Variants in WDFY3 observed in about 807,000 individuals in gnomAD.
WDFY3 encodes the protein WD repeat and FYVE domain containing 3, also known as WD repeat and FYVE domain-containing protein 3.
Under a neutral mutation model 409.6 loss-of-function variants are expected in WDFY3, and 66 were observed. The observed-to-expected ratio is 0.16, with a 90% confidence interval of 0.13 to 0.20. The LOEUF (loss-of-function observed/expected upper bound fraction) is 0.20, where lower values mean the gene tolerates loss of function less well. Among genes scored for constraint, WDFY3 ranks in the 10% least tolerant of loss-of-function variants. The probability of loss-of-function intolerance (pLI) is 1.00; values close to 1 mark genes in which losing one functional copy is unlikely to be tolerated. For synonymous variants in WDFY3, 1,521 were observed against 1,537.1 expected (o/e 0.99, Z 0.25); for missense variants, 3,031 against 4,298.1 (o/e 0.71, Z 8.24).
chr4:84,736,705 T>G (rs1162195364), intron 41 of WDFY3, among the ~76,000 whole-genome samples: 1 of 152,166 alleles, frequency 6.6e-6, no homozygotes, highest in East Asian at 1.9e-4. Flanking sequence ...CTAGATTATA[T>G]AATGCCACCA....
At chr4:84,935,426 G>C (rs930513262) in intron 1 of WDFY3, among the ~76,000 whole-genome samples, 7 of 152,066 alleles carry the variant, frequency 4.6e-5, no homozygotes, top group Non-Finnish European at 8.8e-5. Context: ...ATCTAATTGT[G>C]GTCTTAGTTC....
intron 3 of WDFY3, among the ~76,000 whole-genome samples, chr4:84,892,417 T>C (rs556255162): frequency 2.0e-5 from 3 of 152,222 alleles, no homozygotes; most frequent in African/African-American, 7.2e-5. Flanking sequence ...TAAAGTATTT[T>C]AAAGGTTTTA....
At chr4:84,760,609 T>C (rs1183674185) in intron 32 of WDFY3, among the ~76,000 whole-genome samples, 1 of 152,232 alleles carries the variant, frequency 6.6e-6, no homozygotes, top group African/African-American at 2.4e-5. Context: ...GTTTGTAGTA[T>C]TCTCTGATGG....
chr4:84,927,695 G>C (rs1579162781), intron 2 of WDFY3, among the ~76,000 whole-genome samples: 1 of 152,118 alleles, frequency 6.6e-6, no homozygotes, highest in Admixed American at 6.5e-5. Context: ...TAAGTGTCTG[G>C]CATTTCCTCT....
chr4:84,892,023 A>ATTTT (rs200646761), intron 3 of WDFY3, among the ~76,000 whole-genome samples: 2 of 135,852 alleles, frequency 1.5e-5, no homozygotes, highest in African/African-American at 5.3e-5. Flanking sequence ...ATGGCCTTCA[A>ATTTT]TTTTTTTTTT....
rs756435222 is a variant in WDFY3, at chr4:84,798,074, C to T, written c.2857G>A (p.Gly953Ser). The part of the protein sequence containing the change: ...FLRLASPLNC[G>S]AWDKKLLKQY... ...TTTAGCAGTTTTTTGTCCCAGGCAC[C>T]ACAATTTAAAGGACTTGCCAAACGT... is the stretch of plus-strand genomic sequence containing the variant. The change falls in exon 18 of 68, where the codon GGT (glycine) becomes AGT (serine). Residue 953 changes from glycine to serine, a missense_variant. Physicochemically the swap from Gly to Ser is moderately conservative, Grantham distance 56 (BLOSUM62 0). Coordinates refer to ENST00000295888, the MANE Select transcript of WDFY3 (RefSeq NM_014991.6). The T allele has an allele frequency of 8.1e-6, 13 of 1,613,260 alleles. No individual in the cohort carries two copies. The highest frequency in any genetic ancestry group is 1.1e-5 in the Non-Finnish European group (13 of 1,179,628).
At chr4:84,927,132 AAAT>A (rs371173255) in intron 2 of WDFY3, among the ~76,000 whole-genome samples, 228 of 152,304 alleles carry the variant, frequency 1.5e-3, no homozygotes, top group African/African-American at 4.9e-3. Context: ...AGTAATTCAC[AAAT>A]AATAATTAAA....
At chr4:84,763,688 CA>C (rs1743113058) in intron 32 of WDFY3, among the ~76,000 whole-genome samples, 1 of 150,234 alleles carries the variant, frequency 6.7e-6, no homozygotes, top group African/African-American at 2.4e-5. Context: ...TTTACATACA[CA>C]AAAATGTGTA....
chr4:84,830,110 A>G (rs867592911), intron 8 of WDFY3, among the ~76,000 whole-genome samples: 5 of 152,150 alleles, frequency 3.3e-5, no homozygotes, highest in Non-Finnish European at 7.4e-5. Flanking sequence ...ACTGACTCAT[A>G]TATTAGGTAC....
intron 21 of WDFY3, among the ~76,000 whole-genome samples, chr4:84,792,896 AGG>A (rs1441744336): frequency 1.3e-5 from 2 of 152,182 alleles, no homozygotes; most frequent in African/African-American, 4.8e-5. Flanking sequence ...AATACATTCT[AGG>A]TACTGTGTTA....
intron 30 of WDFY3, 71 bp downstream of exon 30, chr4:84,772,764 T>C: frequency 8.1e-7 from 1 of 1,232,394 alleles, no homozygotes; most frequent in East Asian, 2.5e-5. Flanking sequence ...TCAGGTCTAA[T>C]TTGGGCCAGA....
intron 51 of WDFY3, 130 bp from the exon 52 acceptor site, chr4:84,709,477 TAA>T (rs1470646321): frequency 1.5e-6 from 1 of 679,830 alleles, no homozygotes; most frequent in African/African-American, 1.8e-5. Context: ...TAGTGGGTCA[TAA>T]AATCAGTTTA....
At chr4:84,880,171 C>G (rs1314030384) in intron 3 of WDFY3, among the ~76,000 whole-genome samples, 20 of 151,998 alleles carry the variant, frequency 1.3e-4, no homozygotes, top group Non-Finnish European at 1.8e-4. Context: ...TGGACATCAG[C>G]CAGGAATGAG....
Position 84,787,640 on chromosome 4 carries a change from T to C in WDFY3, c.3743A>G (p.Tyr1248Cys), listed in dbSNP as rs762353065. Residue 1248 changes from tyrosine to cysteine, a missense_variant, in exon 23 of 68, where the codon TAC becomes TGC. By Grantham distance (194) the Tyr-to-Cys change is radical. This residue lies in a region of WDFY3 where 1,322 missense variants were observed against 1,697.9 expected (regional missense o/e 0.78). Coordinates refer to ENST00000295888, the MANE Select transcript of WDFY3 (RefSeq NM_014991.6). Reference sequence around the variant, plus strand: ...GCGTTGGGCAGGTGGAGTACCAATGTAGGCATAGACCGTGCTCACCACTGG... The same window carrying C: ...GCGTTGGGCAGGTGGAGTACCAATGCAGGCATAGACCGTGCTCACCACTGG... ...NPPVVSTVYA[Y>C]IGTPPAQRQI... 10 of 1,614,060 alleles carry C rather than the reference T, an allele frequency of 6.2e-6. No homozygotes were observed. The highest frequency in any genetic ancestry group is 8.5e-6 in the Non-Finnish European group (10 of 1,180,036).
intron 1 of WDFY3, among the ~76,000 whole-genome samples, chr4:84,941,177 A>G (rs543201483): frequency 6.6e-6 from 1 of 152,092 alleles, no homozygotes; most frequent in African/African-American, 2.4e-5. Flanking sequence ...AAGAAGTAAA[A>G]CTGTCTTTAT....
intron 3 of WDFY3, among the ~76,000 whole-genome samples, chr4:84,881,616 G>A (rs900725735): frequency 2.0e-5 from 3 of 151,534 alleles, no homozygotes; most frequent in Admixed American, 1.3e-4. Flanking sequence ...GCCAGGTGCA[G>A]TGGCTCACGC....
Position 84,938,601 on chromosome 4 carries a change from T to C in WDFY3, c.-225-6238A>G, listed in dbSNP as rs1285625407. ...ACTGGTTCCAGAGAAAGAACCAAGC[T>C]CTTTATAAATGAGGAAAGTCTAAAA... On this transcript the variant is annotated intron_variant, in intron 1 of 67. Coordinates refer to ENST00000295888, the MANE Select transcript of WDFY3 (RefSeq NM_014991.6). 3.3e-5 allele frequency among the ~76,000 whole-genome samples: 5 copies of C among 152,286 alleles called. No homozygotes were observed. In the East Asian group the frequency reaches 9.6e-4, roughly 29 times the overall value.
intron 3 of WDFY3, among the ~76,000 whole-genome samples, chr4:84,861,125 A>G (rs1760566587): frequency 6.6e-6 from 1 of 152,114 alleles, no homozygotes; most frequent in Admixed American, 6.6e-5. Flanking sequence ...GTGGGAAGAT[A>G]ACTTGAGCCT....
At chr4:84,872,800 G>GC (rs1467057047) in intron 3 of WDFY3, among the ~76,000 whole-genome samples, 1 of 152,114 alleles carries the variant, frequency 6.6e-6, no homozygotes, top group Non-Finnish European at 1.5e-5. Context: ...AATATACCAT[G>GC]CTAACTCTAA....
Sources: allele counts gnomAD v4.1 joint callset (sites outside exome capture counted in the v4.1 genomes callset), GRCh38; gene constraint gnomAD v4.1.1; regional missense constraint gnomAD v4.1.1; transcripts MANE v1.5; gene names NCBI Gene and HGNC (gene_info 2026-07-23, HGNC 2026-07-21).